WDR70: variants seen among roughly 807,000 people sequenced by gnomAD.
WDR70 encodes WD repeat domain 70.
Under a neutral mutation model 88.6 loss-of-function variants are expected in WDR70, and 53 were observed. The observed-to-expected ratio is 0.60, with a 90% CI of 0.48 to 0.75. The LOEUF is 0.75. Ranked by LOEUF, WDR70 falls within the 30% of genes least tolerant of loss-of-function variation. WDR70 has a pLI of 0.00. For missense variants in WDR70, 610 were observed against 823.2 expected (o/e 0.74, Z 3.17); for synonymous variants, 280 against 270.0 (o/e 1.04, Z -0.36).
chr5:37,506,836 A>C, intron 8 of WDR70: 1 of 1,280,470 alleles, frequency 7.8e-7, no homozygotes. Context: ...GCTGCTGTTC[A>C]GGAACAGGGT....
At chr5:37,448,036 T>A (rs1188925717) in intron 7 of WDR70, among the ~76,000 whole-genome samples, 1 of 152,192 alleles carries the variant, frequency 6.6e-6, no homozygotes, top group Non-Finnish European at 1.5e-5. Flanking sequence ...AGCTTAGTTA[T>A]CTTTCTTTAA....
intron 5 of WDR70, among the ~76,000 whole-genome samples, chr5:37,407,407 C>T (rs1749385868): frequency 6.6e-6 from 1 of 151,782 alleles, no homozygotes; most frequent in Non-Finnish European, 1.5e-5. Context: ...ACCTGTGGTC[C>T]CAGTTACTCA....
Position 37,752,778 on chromosome 5 carries a change from A to G in WDR70, c.*205A>G, listed in dbSNP as rs1043200987. The G allele has an allele frequency of 1.7e-4, 80 of 478,864 alleles. No homozygotes were observed. In the East Asian group the frequency reaches 2.6e-3, roughly 16 times the overall value. The allele number at this position is 478,864 out of a possible 1,614,324, so 29.7% of individuals were successfully genotyped here. The stretch of plus-strand genomic sequence containing the variant: ...CCTGCAACTATTAAACTGATTACAG[A>G]TAAACAAGAAACAGATTCTTAGTCT... On this transcript the variant is annotated 3_prime_UTR_variant, in exon 18 of 18. Transcript: ENST00000265107.
At chr5:37,402,992 C>A (rs1348714144) in intron 5 of WDR70, among the ~76,000 whole-genome samples, 1 of 145,008 alleles carries the variant, frequency 6.9e-6, no homozygotes, top group Non-Finnish European at 1.5e-5. Flanking sequence ...TGCCACCCAG[C>A]CTGGAGTGCA....
intron 9 of WDR70, among the ~76,000 whole-genome samples, chr5:37,536,935 A>G (rs1741685594): frequency 6.6e-6 from 1 of 152,048 alleles, no homozygotes; most frequent in East Asian, 1.9e-4. Context: ...AATGAAGAAT[A>G]TTTCCCTCAT....
At chr5:37,541,290 A>AT (rs34867117) in intron 9 of WDR70, among the ~76,000 whole-genome samples, 279 of 150,738 alleles carry the variant, frequency 1.9e-3, no homozygotes, top group Admixed American at 3.0e-3. Context: ...TTAATGAATG[A>AT]TTTTTTTTTT....
At chr5:37,487,672 C>T (rs1162987242) in intron 8 of WDR70, among the ~76,000 whole-genome samples, 1 of 137,042 alleles carries the variant, frequency 7.3e-6, no homozygotes, top group East Asian at 2.1e-4. Context: ...TGTCACCAGG[C>T]TAGAGTGCAG....
At chr5:37,607,336 A>G (rs1744060998) in intron 10 of WDR70, among the ~76,000 whole-genome samples, 1 of 152,100 alleles carries the variant, frequency 6.6e-6, no homozygotes, top group Non-Finnish European at 1.5e-5. Flanking sequence ...CCCAGTAACA[A>G]TAGTTTTTCC....
At chr5:37,551,643 G>A (rs1008930720) in intron 9 of WDR70, among the ~76,000 whole-genome samples, 11 of 149,476 alleles carry the variant, frequency 7.4e-5, no homozygotes, top group Admixed American at 2.7e-4. Context: ...CAGGAGAATC[G>A]CTCGAACCCA....
intron 3 of WDR70, 137 bp downstream of exon 3, chr5:37,381,822 G>A (rs1336694021): frequency 2.1e-5 from 15 of 711,546 alleles, no homozygotes; most frequent in Non-Finnish European, 2.9e-5. Flanking sequence ...GGGAGGCCAA[G>A]GCGGGCAGAT....
chr5:37,494,958 A>C (rs1483635372), intron 8 of WDR70, among the ~76,000 whole-genome samples: 9 of 152,246 alleles, frequency 5.9e-5, no homozygotes, highest in Non-Finnish European at 1.3e-4. Flanking sequence ...TTGTAAATAA[A>C]AGTTTTATTG....
At chr5:37,687,228 G>A (rs1746636557) in intron 10 of WDR70, among the ~76,000 whole-genome samples, 1 of 151,984 alleles carries the variant, frequency 6.6e-6, no homozygotes, top group South Asian at 2.1e-4. Context: ...TTTCCTCATT[G>A]GAATATACTT....
chr5:37,628,369 T>C (rs1260094928), intron 10 of WDR70, among the ~76,000 whole-genome samples: 1 of 152,226 alleles, frequency 6.6e-6, no homozygotes, highest in Non-Finnish European at 1.5e-5. Flanking sequence ...GATCTAATAA[T>C]GTTTGCTTTA....
chr5:37,422,294 C>CATTTT (rs34960512), intron 5 of WDR70, among the ~76,000 whole-genome samples: 1 of 145,786 alleles, frequency 6.9e-6, no homozygotes, highest in Non-Finnish European at 1.5e-5. Flanking sequence ...TTCCTTTTTT[C>CATTTT]TTTTTTTTTT....
At chr5:37,450,068 G>GAT (rs1738629159) in intron 7 of WDR70, among the ~76,000 whole-genome samples, 1 of 152,136 alleles carries the variant, frequency 6.6e-6, no homozygotes, top group African/African-American at 2.4e-5. Context: ...CCCTGCAAAG[G>GAT]ATATGAACTC....
intron 17 of WDR70, among the ~76,000 whole-genome samples, chr5:37,728,411 C>T (rs1265669841): frequency 6.6e-6 from 1 of 151,028 alleles, no homozygotes; most frequent in Non-Finnish European, 1.5e-5. Context: ...TAGTTTTTGC[C>T]AGTTTTTCAC....
intron 9 of WDR70, among the ~76,000 whole-genome samples, chr5:37,553,740 T>G (rs1319031645): frequency 1.3e-5 from 2 of 152,236 alleles, no homozygotes. Flanking sequence ...TATAATGTAG[T>G]AGTTCTGAGG....
At chr5:37,741,158 G>T (rs1483525305) in intron 17 of WDR70, among the ~76,000 whole-genome samples, 1 of 151,686 alleles carries the variant, frequency 6.6e-6, no homozygotes, top group Admixed American at 6.6e-5. Flanking sequence ...TGGAGGCTAA[G>T]GCCCTCTCCA....
At chr5:37,547,762 C>T (rs553431591) in intron 9 of WDR70, among the ~76,000 whole-genome samples, 15 of 152,014 alleles carry the variant, frequency 9.9e-5, no homozygotes, top group Non-Finnish European at 2.9e-5. Flanking sequence ...TTTTTTGGTA[C>T]CCATTAATCA....
Sources: gnomAD v4.1 joint callset for allele counts (sites outside exome capture counted in the v4.1 genomes callset) on GRCh38, gnomAD v4.1.1 for gene constraint, MANE v1.5 for transcripts, NCBI Gene and HGNC (gene_info 2026-07-23, HGNC 2026-07-21) for gene names.